The following LZTFL1 variants were observed in gnomAD, a reference collection of about 807,000 sequenced individuals.
LZTFL1 encodes the protein leucine zipper transcription factor like 1.
Under a neutral mutation model 45.9 loss-of-function variants are expected in LZTFL1, and 25 were observed. The observed-to-expected ratio is 0.54, with a 90% confidence interval of 0.40 to 0.76. LZTFL1 has a LOEUF of 0.76. LZTFL1 is among the 30% of genes least tolerant of loss of function. LZTFL1 has a pLI of 0.00. For synonymous variants in LZTFL1, 93 were observed against 117.4 expected (o/e 0.79, Z 1.35); for missense variants, 277 against 331.1 (o/e 0.84, Z 1.27).
intron 4 of LZTFL1, among the ~76,000 whole-genome samples, chr3:45,854,231 T>C (rs1701351171): frequency 6.6e-6 from 1 of 152,188 alleles, no homozygotes; most frequent in Admixed American, 6.5e-5. Flanking sequence ...ATTCCATTCA[T>C]TCCCAGGGTT....
intron 4 of LZTFL1, among the ~76,000 whole-genome samples, chr3:45,848,095 G>T (rs141146648): frequency 0.021 from 3,151 of 152,176 alleles, 44 homozygotes; most frequent in Non-Finnish European, 0.032. Flanking sequence ...TTTTCTTTAA[G>T]TTTTCATATA....
chr3:45,903,145 T>A (rs1702610129), intron 2 of LZTFL1: 1 of 167,112 alleles, frequency 6.0e-6, no homozygotes. Context: ...ATATTTTAAG[T>A]GTGTGCAATT....
At chr3:45,834,455 G>A in intron 3 of LZTFL1, 157 bp from the exon 4 acceptor site, 2 of 517,560 alleles carry the variant, frequency 3.9e-6, no homozygotes, top group Non-Finnish European at 6.9e-6. Context: ...GTTGCAAATG[G>A]TTGAGAACCT....
intron 4 of LZTFL1, among the ~76,000 whole-genome samples, chr3:45,851,085 A>G (rs886147728): frequency 1.3e-5 from 2 of 152,138 alleles, no homozygotes; most frequent in African/African-American, 4.8e-5. Context: ...ACCCCATCAT[A>G]GCCAGCAGCT....
At chr3:45,834,156 T>C (rs1003324618) in intron 4 of LZTFL1, 82 bp downstream of exon 4, 1 of 762,434 alleles carries the variant, frequency 1.3e-6, no homozygotes. Context: ...GTTCTCAGTT[T>C]TGATCTCTGA....
At chr3:45,878,596 A>T in intron 2 of LZTFL1, among the ~76,000 whole-genome samples, 1 of 136,578 alleles carries the variant, frequency 7.3e-6, no homozygotes, top group East Asian at 2.0e-4. Flanking sequence ...GCCCTCAAGT[A>T]AAAAAAAAAA....
Position 45,901,922 on chromosome 3 carries a change from T to A in LZTFL1, c.-215+11198A>T. On this transcript the variant is annotated intron_variant, in intron 2 of 4. Coordinates refer to the LZTFL1 transcript ENST00000472635. The surrounding 1 kb of genome is among the most constrained non-coding windows in gnomAD (Gnocchi z 4.3). ...GAGGGGTCTTCTCTGAGGTGCATGG[T>A]TCTTTTGGAAGAAATGAGAAATACA... The A allele has an allele frequency of 1.3e-6, 2 of 1,531,648 alleles. No homozygotes were observed. The highest frequency in any genetic ancestry group is 1.8e-6 in the Non-Finnish European group (2 of 1,138,692). 94.9% of individuals were successfully genotyped at this position (1,531,648 alleles called of 1,614,324 possible).
intron 3 of LZTFL1, among the ~76,000 whole-genome samples, chr3:45,858,230 A>G (rs1701426356): frequency 6.6e-6 from 1 of 152,206 alleles, no homozygotes; most frequent in East Asian, 1.9e-4. Flanking sequence ...GTCAGGGTGT[A>G]TTATCAAGAA....
intron 2 of LZTFL1, 127 bp downstream of exon 2, chr3:45,837,800 G>T: frequency 1.0e-6 from 1 of 994,760 alleles, no homozygotes. Context: ...TAGTGTAGCT[G>T]CTCTTAGCAA....
chr3:45,897,433 G>C, intron 2 of LZTFL1: 1 of 696,022 alleles, frequency 1.4e-6, no homozygotes, highest in Non-Finnish European at 2.6e-6. Context: ...CTTCCAGCAG[G>C]ACACAATGTC....
chr3:45,870,308 A>C (rs1424820076), intron 2 of LZTFL1, among the ~76,000 whole-genome samples: 1 of 152,254 alleles, frequency 6.6e-6, no homozygotes, highest in Non-Finnish European at 1.5e-5. Context: ...CTCTAGAATT[A>C]TGAGTTGACA....
intron 4 of LZTFL1, among the ~76,000 whole-genome samples, chr3:45,848,644 A>G (rs1472210919): frequency 4.6e-5 from 7 of 152,362 alleles, no homozygotes; most frequent in Non-Finnish European, 1.0e-4. Flanking sequence ...ATTAGTACAA[A>G]GTGTACTACA....
intron 2 of LZTFL1, among the ~76,000 whole-genome samples, chr3:45,880,476 T>C (rs1250968670): frequency 5.3e-5 from 8 of 152,092 alleles, no homozygotes; most frequent in African/African-American, 1.7e-4. Flanking sequence ...CACTCCAGCC[T>C]GGGCGACAGA....
At position 45,823,622 on chromosome 3, in the gene LZTFL1, G is replaced by C. The variant is rs554204694; in HGVS notation, c.*2692C>G. On this transcript the variant is annotated 3_prime_UTR_variant, in exon 10 of 10. Transcript: ENST00000296135. ...TTTCCCCTTTTTCCTAAGCAGTTTT[G>C]AAAATGGTTTTGTCAAAATATTATT... 1.3e-5 allele frequency: 2 copies of C among 152,280 alleles called. No individual in the cohort carries two copies. Among genetic ancestry groups the C allele is most frequent in the Admixed American group, 1.3e-4 (2 of 15,304 alleles). The allele number at this position is 152,280 out of a possible 1,614,324, so 9.4% of individuals were successfully genotyped here. A position where few individuals can be genotyped will look rare whatever the true frequency, so the allele number is the denominator to read the frequency against.
chr3:45,860,191 G>T (rs1434159670), intron 2 of LZTFL1, among the ~76,000 whole-genome samples: 4 of 152,080 alleles, frequency 2.6e-5, no homozygotes, highest in Non-Finnish European at 5.9e-5. Context: ...CATCCTGGGC[G>T]ACAGAGCCAG....
At chr3:45,839,237 C>T (rs1307398496) in intron 1 of LZTFL1, among the ~76,000 whole-genome samples, 1 of 152,118 alleles carries the variant, frequency 6.6e-6, no homozygotes, top group Non-Finnish European at 1.5e-5. Flanking sequence ...CACAGGCGCC[C>T]ACCACCACGC....
chr3:45,893,514 T>C (rs1259462217), intron 2 of LZTFL1, among the ~76,000 whole-genome samples: 1 of 152,242 alleles, frequency 6.6e-6, no homozygotes, highest in Admixed American at 6.5e-5. Context: ...TCCGTCAGTA[T>C]AGATTAGTTT....
At chr3:45,844,640 T>G (rs1285684670), upstream of LZTFL1, among the ~76,000 whole-genome samples, 2 of 152,216 alleles carry the variant, frequency 1.3e-5, no homozygotes, top group Non-Finnish European at 2.9e-5. Flanking sequence ...ATACAAGTTC[T>G]CTTCAACTTC....
In LZTFL1 at chr3:45,834,317, G is replaced by A. The variant is rs1304094763; in HGVS notation, c.324-19C>T. 2.7e-6 allele frequency: 4 copies of A among 1,492,390 alleles called. No homozygotes were observed. The highest frequency in any genetic ancestry group is 3.7e-6 in the Non-Finnish European group (4 of 1,077,280). The allele number at this position is 1,492,390 out of a possible 1,614,324, so 92.4% of individuals were successfully genotyped here. A position where few individuals can be genotyped will look rare whatever the true frequency, so the allele number is the denominator to read the frequency against. On this transcript the variant is annotated intron_variant, in intron 3 of 9. Transcript: ENST00000296135. The stretch of plus-strand genomic sequence containing the variant: ...TAATTCTCTTGAAGAAGAAAGCAAA[G>A]ATAAAAATTATTCATTTAAAATAGA...
Sources: allele counts gnomAD v4.1 joint callset (sites outside exome capture counted in the v4.1 genomes callset), GRCh38; gene constraint gnomAD v4.1.1; non-coding constraint Gnocchi (gnomAD v3.1); transcripts MANE v1.5; gene names NCBI Gene and HGNC (gene_info 2026-07-23, HGNC 2026-07-21).